The following CYP39A1 variants were observed in gnomAD, a reference collection of about 807,000 sequenced individuals.
CYP39A1 encodes 24-hydroxycholesterol 7-alpha-hydroxylase.
CYP39A1 carries 49 observed loss-of-function variants against 58.1 expected under a neutral mutation model. The ratio of observed to expected loss-of-function variants is 0.84; its 90% CI spans 0.67 to 1.07. CYP39A1 has a LOEUF of 1.07. CYP39A1 is among the 50% of genes least tolerant of loss of function. The pLI is 0.00. For synonymous variants in CYP39A1, 209 were observed against 187.6 expected (o/e 1.11, Z -0.93); for missense variants, 531 against 539.4 (o/e 0.98, Z 0.16).
chr6:46,558,545 T>A lies in CYP39A1; in HGVS notation c.1251-4691A>T, dbSNP rs575677817. ...CCTCCTCCAAATGTGGAGATTATAA[T>A]TCAACATGAGATTTGGGTGGGGACA... On this transcript the variant is annotated intron_variant, in intron 10 of 11. Transcript: ENST00000275016. 2.8e-4 allele frequency among the ~76,000 whole-genome samples: 43 copies of A among 152,260 alleles called. 1 individual carries two copies. The East Asian group carries it at 7.9e-3, about 28-fold the overall frequency.
chr6:46,575,637 C>T (rs1771808165), intron 10 of CYP39A1, among the ~76,000 whole-genome samples: 1 of 152,228 alleles, frequency 6.6e-6, no homozygotes, highest in Non-Finnish European at 1.5e-5. Flanking sequence ...AGGGGCCCAC[C>T]ACTGCCCTGC....
intron 8 of CYP39A1, among the ~76,000 whole-genome samples, chr6:46,593,970 C>G (rs1321579571): frequency 6.6e-6 from 1 of 152,036 alleles, no homozygotes; most frequent in African/African-American, 2.4e-5. Flanking sequence ...TATCTGTAAT[C>G]TGTGGCCTAA....
intron 7 of CYP39A1, among the ~76,000 whole-genome samples, chr6:46,604,152 A>G (rs1439796753): frequency 6.6e-6 from 1 of 152,316 alleles, no homozygotes; most frequent in East Asian, 1.9e-4. Context: ...TTCGAATTAT[A>G]TTCACATACC....
intron 10 of CYP39A1, chr6:46,583,401 A>C (rs1267806227): frequency 1.0e-6 from 1 of 985,246 alleles, no homozygotes; most frequent in Non-Finnish European, 1.2e-6. Flanking sequence ...TAAGATCATC[A>C]ACTCTCAGAG....
chr6:46,636,504 T>G (rs774406519), intron 4 of CYP39A1, 22 bp from the exon 5 acceptor site: 13 of 1,491,694 alleles, frequency 8.7e-6, no homozygotes, highest in Non-Finnish European at 1.2e-5. Context: ...AAAATATATA[T>G]AGAAATTAAT....
chr6:46,647,186 G>T (rs775831185), intron 1 of CYP39A1, among the ~76,000 whole-genome samples: 1 of 151,912 alleles, frequency 6.6e-6, no homozygotes, highest in Non-Finnish European at 1.5e-5. Context: ...ATGACATGTT[G>T]TATTTTTATT....
intron 1 of CYP39A1, among the ~76,000 whole-genome samples, chr6:46,646,220 T>G (rs1374747238): frequency 6.6e-6 from 1 of 152,082 alleles, no homozygotes; most frequent in Non-Finnish European, 1.5e-5. Flanking sequence ...AAGTATTTAG[T>G]CTTTCATCAT....
At chr6:46,598,416 G>A (rs567817482) in intron 7 of CYP39A1, among the ~76,000 whole-genome samples, 1 of 152,168 alleles carries the variant, frequency 6.6e-6, no homozygotes, top group East Asian at 1.9e-4. Context: ...ATAAACTTTC[G>A]TGCACATGGC....
chr6:46,590,231 T>C (rs1045681125), intron 8 of CYP39A1, among the ~76,000 whole-genome samples: 48 of 152,312 alleles, frequency 3.2e-4, no homozygotes, highest in African/African-American at 1.1e-3. Context: ...CTACAACTTC[T>C]GTGTGTTGCA....
chr6:46,556,821 C>A (rs576233613), intron 10 of CYP39A1, among the ~76,000 whole-genome samples: 1 of 152,046 alleles, frequency 6.6e-6, no homozygotes, highest in African/African-American at 2.4e-5. Flanking sequence ...TTAACATTTA[C>A]GTCTTGCCAT....
intron 10 of CYP39A1, among the ~76,000 whole-genome samples, chr6:46,566,962 T>C (rs142863520): frequency 2.3e-4 from 35 of 152,262 alleles, no homozygotes; most frequent in African/African-American, 8.2e-4. Flanking sequence ...TCACCTCATG[T>C]GGTTACCCTT....
intron 7 of CYP39A1, among the ~76,000 whole-genome samples, chr6:46,620,332 T>C (rs1161540762): frequency 6.6e-6 from 1 of 152,188 alleles, no homozygotes; most frequent in Non-Finnish European, 1.5e-5. Context: ...GGCAGTTTCC[T>C]AGAAGACCTT....
chr6:46,577,928 G>T (rs1032632315), intron 10 of CYP39A1, among the ~76,000 whole-genome samples: 1 of 151,934 alleles, frequency 6.6e-6, no homozygotes, highest in Non-Finnish European at 1.5e-5. Context: ...TGACCAAATG[G>T]ACCAAACAGA....
intron 7 of CYP39A1, among the ~76,000 whole-genome samples, chr6:46,596,664 A>G (rs974857197): frequency 6.6e-6 from 1 of 151,914 alleles, no homozygotes; most frequent in African/African-American, 2.4e-5. Flanking sequence ...TGCCCTCTAA[A>G]CACAGGTGCA....
intron 10 of CYP39A1, among the ~76,000 whole-genome samples, chr6:46,586,703 C>T (rs1772489725): frequency 1.3e-5 from 2 of 151,980 alleles, no homozygotes; most frequent in South Asian, 4.1e-4. Flanking sequence ...TTTTCTAGAA[C>T]CCTAGCAAAT....
At chr6:46,642,412 T>C (rs914661161) in intron 1 of CYP39A1, 114 bp from the exon 2 acceptor site, 61 of 1,009,072 alleles carry the variant, frequency 6.0e-5, no homozygotes, top group Non-Finnish European at 8.0e-5. Flanking sequence ...ATTATTATGA[T>C]TATATTTGGC....
At chr6:46,601,593 T>C (rs1260858232) in intron 7 of CYP39A1, among the ~76,000 whole-genome samples, 1 of 152,082 alleles carries the variant, frequency 6.6e-6, no homozygotes. Context: ...AAGGTTGCTG[T>C]CAGGATTAAA....
chr6:46,605,587 A>G (rs1372396023), intron 7 of CYP39A1, among the ~76,000 whole-genome samples: 1 of 152,170 alleles, frequency 6.6e-6, no homozygotes, highest in Non-Finnish European at 1.5e-5. Flanking sequence ...AAGAGTTTAG[A>G]AATTGCAAAA....
chr6:46,602,747 C>T (rs1773590499), intron 7 of CYP39A1, among the ~76,000 whole-genome samples: 1 of 141,064 alleles, frequency 7.1e-6, no homozygotes, highest in Non-Finnish European at 1.5e-5. Context: ...AGGTAGAAGA[C>T]ATCCTTGGAT....
Sources: gnomAD v4.1 joint callset for allele counts (sites outside exome capture counted in the v4.1 genomes callset) on GRCh38, gnomAD v4.1.1 for gene constraint, MANE v1.5 for transcripts, NCBI Gene and HGNC (gene_info 2026-07-23, HGNC 2026-07-21) for gene names.